Variants in CIP2A observed in about 807,000 individuals in gnomAD.
CIP2A encodes the protein protein CIP2A.
In CIP2A, 103 loss-of-function variants were observed where a neutral mutation model predicts 110.9. That is an observed-to-expected ratio of 0.93 (90% CI 0.79 to 1.09). CIP2A has a LOEUF of 1.09. Among genes scored for constraint, CIP2A ranks in the 50% least tolerant of loss-of-function variants. The probability of loss-of-function intolerance (pLI) is 0.00; values close to 1 mark genes in which losing one functional copy is unlikely to be tolerated. For synonymous variants in CIP2A, 381 were observed against 361.6 expected, an observed-to-expected ratio of 1.05 and a Z score of -0.61; for missense variants, 1,088 against 1,038.4, an observed-to-expected ratio of 1.05 and a Z score of -0.66.
chr3:108,583,550 T>C (rs774290669), intron 2 of CIP2A, among the ~76,000 whole-genome samples: 10 of 152,012 alleles, frequency 6.6e-5, no homozygotes, highest in Admixed American at 3.3e-4. Flanking sequence ...GTTGATCTCA[T>C]GGAAGTGGAG....
intron 1 of CIP2A, among the ~76,000 whole-genome samples, chr3:108,588,842 G>A (rs1939192704): frequency 1.3e-5 from 2 of 152,186 alleles, no homozygotes; most frequent in Admixed American, 1.3e-4. Context: ...AGTTCAACCC[G>A]AGTTCAAGTA....
At position 108,568,234 on chromosome 3, in the gene CIP2A, C is replaced by A; in HGVS notation, c.1194G>T (p.Gln398His). ...CCTCATCTAGATTTTGTTCTGTGAA[C>A]TGAAGTTGATCAAGGATTGTAGGCA... is the stretch of plus-strand genomic sequence containing the variant. Reference protein sequence around the residue: ...LLLPTILDQLQFTEQNLDEAL... With the variant: ...LLLPTILDQLHFTEQNLDEAL... Residue 398 changes from glutamine to histidine, a missense_variant, in exon 10 of 21, where the codon CAG becomes CAT. By Grantham distance (24) the Gln-to-His change is conservative. Coordinates refer to ENST00000295746, the MANE Select transcript of CIP2A (RefSeq NM_020890.3). 1.2e-6 allele frequency: 2 copies of A among 1,612,278 alleles called. No individual in the cohort carries two copies. The highest frequency in any genetic ancestry group is 1.7e-6 in the Non-Finnish European group (2 of 1,178,808).
Position 108,579,351 on chromosome 3 carries a change from T to C in CIP2A, c.748A>G (p.Thr250Ala), listed in dbSNP as rs751305648. ...NILINGDGTL[T>A]RKYSVDLLMD... ...AGTAGGTCAACTGAATACTTTCTAG[T>C]TAGAGTGCCATCACCGTTTATGAGA... is the stretch of plus-strand genomic sequence containing the variant. Residue 250 changes from threonine (T) to alanine (A), a missense_variant, in exon 7 of 21, where the codon ACT becomes GCT. Transcript: ENST00000295746. The C allele has an allele frequency of 6.2e-7, 1 of 1,605,684 alleles. No homozygotes were observed. The highest frequency in any genetic ancestry group is 1.7e-5 in the Admixed American group (1 of 59,984).
chr3:108,569,257 G>C, intron 9 of CIP2A, 132 bp downstream of exon 9: 3 of 662,352 alleles, frequency 4.5e-6, no homozygotes, highest in Non-Finnish European at 7.8e-6. Flanking sequence ...AGCGAGTCTA[G>C]TATGACTGTT....
chr3:108,588,152 T>TC (rs1273269007), intron 1 of CIP2A, among the ~76,000 whole-genome samples: 4 of 152,142 alleles, frequency 2.6e-5, no homozygotes, highest in African/African-American at 9.7e-5. Flanking sequence ...AATGCTTAAC[T>TC]CCCGATTTTT....
chr3:108,552,247 T>C lies in CIP2A; in HGVS notation c.2534A>G (p.Glu845Gly). The change falls in exon 20 of 21, where the codon GAG (glutamate) becomes GGG (glycine). Residue 845 changes from glutamate (E) to glycine (G), a missense_variant. Transcript: ENST00000295746. Reference sequence around the variant, plus strand: ...ACAGATTCTTACCTTAATGCTCAACTCTTTTCTTATCTGTTCTGTTCTGCT... The same window carrying C: ...ACAGATTCTTACCTTAATGCTCAACCCTTTTCTTATCTGTTCTGTTCTGCT... ...ELSRTEQIRK[E>G]LSIKASSLEV... 6.4e-7 allele frequency: 1 copy of C among 1,558,826 alleles called. No homozygotes were observed. The highest frequency in any genetic ancestry group is 8.6e-7 in the Non-Finnish European group (1 of 1,158,050).
Position 108,559,866 on chromosome 3 carries a change from G to T in CIP2A, c.1904C>A (p.Ser635Tyr), listed in dbSNP as rs778622391. 2.5e-6 allele frequency: 4 copies of T among 1,604,296 alleles called. No individual in the cohort carries two copies. In the South Asian group the frequency reaches 4.4e-5, roughly 18 times the overall value. ...AAGATCTTGTAGCCTGCTTTCTTTGGACTACAAGAAAACATATCATTAATT... is the reference window on the plus strand; with the variant it reads ...AAGATCTTGTAGCCTGCTTTCTTTGTACTACAAGAAAACATATCATTAATT... ...VYEMKLSTLA[S>Y]KESRLQDLLE... Residue 635 changes from serine to tyrosine, a missense_variant and splice_region_variant, in exon 16 of 21, where the codon TCC becomes TAC. By Grantham distance (144) the Ser-to-Tyr change is moderately radical. Transcript: ENST00000295746.
At chr3:108,571,047 AG>A (rs1938388449) in intron 8 of CIP2A, among the ~76,000 whole-genome samples, 1 of 152,040 alleles carries the variant, frequency 6.6e-6, no homozygotes, top group East Asian at 1.9e-4. Context: ...AGGTCTACAC[AG>A]GGCCAGGGTA....
chr3:108,552,650 C>G (rs931379461), intron 19 of CIP2A, among the ~76,000 whole-genome samples: 1 of 152,078 alleles, frequency 6.6e-6, no homozygotes, highest in African/African-American at 2.4e-5. Context: ...TAGGTAGGTG[C>G]CTGCGCTCTA....
At chr3:108,585,265 T>G (rs1235188110) in intron 1 of CIP2A, 53 bp from the exon 2 acceptor site, 2 of 1,474,850 alleles carry the variant, frequency 1.4e-6, no homozygotes, top group Non-Finnish European at 1.8e-6. Flanking sequence ...TTTTCATCTC[T>G]TCTCCATTTC....
At chr3:108,577,001 G>C (rs1267303122) in intron 7 of CIP2A, among the ~76,000 whole-genome samples, 1 of 152,132 alleles carries the variant, frequency 6.6e-6, no homozygotes, top group Non-Finnish European at 1.5e-5. Flanking sequence ...TATTGTCTCA[G>C]TATTAAACCC....
chr3:108,564,884 A>G (rs1300371935), intron 12 of CIP2A, among the ~76,000 whole-genome samples: 1 of 151,900 alleles, frequency 6.6e-6, no homozygotes, highest in Non-Finnish European at 1.5e-5. Flanking sequence ...TAGAGATCAT[A>G]TTCAGCTACT....
chr3:108,586,461 A>T (rs1156276556), intron 1 of CIP2A, among the ~76,000 whole-genome samples: 2 of 152,214 alleles, frequency 1.3e-5, no homozygotes, highest in African/African-American at 4.8e-5. Context: ...ATTGTCTAAC[A>T]TGTAATAATT....
In CIP2A at chr3:108,550,172, A is replaced by G. The variant is rs1301772429; in HGVS notation, c.*977T>C. ...TAAAAACGTTTCTTACAGAGTAGTT[A>G]GAGGATATGATTCAAATGAAAAGTA... On this transcript the variant is annotated 3_prime_UTR_variant, in exon 21 of 21. Transcript: ENST00000295746. The G allele has an allele frequency of 6.6e-6, 1 of 151,806 alleles. No individual in the cohort carries two copies. The highest frequency in any genetic ancestry group is 6.6e-5 in the Admixed American group (1 of 15,214). The allele number at this position is 151,806 out of a possible 1,614,324, so 9.4% of individuals were successfully genotyped here.
rs76849533 is a variant in CIP2A, at chr3:108,552,654, C to T, written c.2408-281G>A. Among the ~76,000 whole-genome samples the T allele has an allele frequency of 3.9e-3, 599 of 152,198 alleles. 6 individuals carry two copies. Among genetic ancestry groups the T allele is most frequent in the African/African-American group, 0.014 (581 of 41,522 alleles). On this transcript the variant is annotated intron_variant, in intron 19 of 20. Coordinates refer to ENST00000295746, the MANE Select transcript of CIP2A (RefSeq NM_020890.3). Reference sequence around the variant, plus strand: ...GAAAAATTATATAGGTAGGTGCCTGCGCTCTAAGGCAAGTGAGAACAAAAA... The same window carrying T: ...GAAAAATTATATAGGTAGGTGCCTGTGCTCTAAGGCAAGTGAGAACAAAAA...
chr3:108,581,208 AAC>A (rs1438764695), intron 5 of CIP2A, among the ~76,000 whole-genome samples: 2 of 152,258 alleles, frequency 1.3e-5, no homozygotes, highest in East Asian at 3.8e-4. Flanking sequence ...ATTAACCCTT[AAC>A]ACACAGTCTT....
chr3:108,553,708 T>C lies in CIP2A; in HGVS notation c.2347A>G (p.Lys783Glu). Reference protein sequence around the residue: ...NEKSIAQLIEKEEQRKEVQNQ... With the variant: ...NEKSIAQLIEEEEQRKEVQNQ... ...TGTACTTCTTTTCTCTGTTCTTCTTTCTCTATTAATTGGGCAATACTTCTG... is the reference window on the plus strand; with the variant it reads ...TGTACTTCTTTTCTCTGTTCTTCTTCCTCTATTAATTGGGCAATACTTCTG... Residue 783 changes from lysine (K) to glutamate (E), a missense_variant, in exon 19 of 21, where the codon AAA becomes GAA. Coordinates refer to ENST00000295746, the MANE Select transcript of CIP2A (RefSeq NM_020890.3). 6.7e-7 allele frequency: 1 copy of C among 1,486,238 alleles called. No homozygotes were observed. The highest frequency in any genetic ancestry group is 9.4e-7 in the Non-Finnish European group (1 of 1,066,584). The allele number at this position is 1,486,238 out of a possible 1,614,324, so 92.1% of individuals were successfully genotyped here.
chr3:108,582,698 T>A (rs1576319302), intron 3 of CIP2A, among the ~76,000 whole-genome samples: 1 of 152,222 alleles, frequency 6.6e-6, no homozygotes, highest in African/African-American at 2.4e-5. Flanking sequence ...TATAAATAGC[T>A]TATGTCTCAA....
intron 1 of CIP2A, among the ~76,000 whole-genome samples, chr3:108,588,808 T>G (rs575033510): frequency 1.2e-4 from 19 of 152,308 alleles, no homozygotes; most frequent in African/African-American, 4.6e-4. Flanking sequence ...CTTCTTAATG[T>G]TGAAATAATG....
Sources: gnomAD v4.1 joint callset for allele counts (sites outside exome capture counted in the v4.1 genomes callset) on GRCh38, gnomAD v4.1.1 for gene constraint, MANE v1.5 for transcripts, NCBI Gene and HGNC (gene_info 2026-07-23, HGNC 2026-07-21) for gene names.